Variants in EPHB1 observed in about 807,000 individuals in gnomAD.
EPHB1 encodes the protein ephrin type-B receptor 1.
In EPHB1, 30 loss-of-function variants were observed where a neutral mutation model predicts 94.4. The observed-to-expected ratio is 0.32, with a 90% CI of 0.24 to 0.43. The LOEUF (loss-of-function observed/expected upper bound fraction) is 0.43. Ranked by LOEUF, EPHB1 falls within the 20% of genes least tolerant of loss-of-function variation. The pLI is 1.00. For missense variants in EPHB1, 1,055 were observed against 1,308.3 expected (o/e 0.81, Z 2.99); for synonymous variants, 522 against 489.1 (o/e 1.07, Z -0.89).
intron 5 of EPHB1, among the ~76,000 whole-genome samples, chr3:135,146,063 C>T (rs980690533): frequency 3.3e-5 from 5 of 152,126 alleles, no homozygotes; most frequent in African/African-American, 4.8e-5. Context: ...GTGAGCACCT[C>T]GGAAGGTAGA....
chr3:135,146,225 T>A (rs761824866), intron 5 of EPHB1, among the ~76,000 whole-genome samples: 1 of 152,148 alleles, frequency 6.6e-6, no homozygotes, highest in Non-Finnish European at 1.5e-5. Flanking sequence ...GCCGGCAAGG[T>A]CAAGAAAAGA....
At chr3:134,924,734 A>G (rs2038755855) in intron 1 of EPHB1, among the ~76,000 whole-genome samples, 1 of 152,248 alleles carries the variant, frequency 6.6e-6, no homozygotes, top group East Asian at 1.9e-4. Flanking sequence ...GAAATTAGCT[A>G]TTGGTATACA....
At chr3:135,108,043 C>G (rs767901190) in intron 4 of EPHB1, among the ~76,000 whole-genome samples, 5 of 152,116 alleles carry the variant, frequency 3.3e-5, no homozygotes, top group Non-Finnish European at 7.4e-5. Flanking sequence ...ATGTTCAGAC[C>G]AAAGACTAGT....
chr3:135,046,001 A>G (rs1936986660), intron 3 of EPHB1, among the ~76,000 whole-genome samples: 1 of 152,220 alleles, frequency 6.6e-6, no homozygotes, highest in Admixed American at 6.5e-5. Flanking sequence ...TTCTTCATGT[A>G]ATTTAACGAA....
intron 1 of EPHB1, among the ~76,000 whole-genome samples, chr3:134,911,003 C>T (rs2038441136): frequency 6.6e-6 from 1 of 152,238 alleles, no homozygotes; most frequent in African/African-American, 2.4e-5. Flanking sequence ...TGATTGAGAC[C>T]TGCTCTGAAT....
chr3:134,923,460 C>T lies in EPHB1; in HGVS notation c.59-2356C>T, dbSNP rs1295429563. ...AGGTCACCACTGGGTGCTCCCAGGTCCCCCTCATTAGACCCACTCAGGCCC... is the reference window on the plus strand; with the variant it reads ...AGGTCACCACTGGGTGCTCCCAGGTTCCCCTCATTAGACCCACTCAGGCCC... On this transcript the variant is annotated intron_variant, in intron 1 of 15. Transcript: ENST00000398015. 2.0e-5 allele frequency among the ~76,000 whole-genome samples: 3 copies of T among 152,156 alleles called. No individual in the cohort carries two copies. In the East Asian group the frequency reaches 5.8e-4, roughly 29 times the overall value.
At chr3:135,247,845 C>G (rs924533530) in intron 13 of EPHB1, among the ~76,000 whole-genome samples, 4 of 152,156 alleles carry the variant, frequency 2.6e-5, no homozygotes, top group African/African-American at 9.7e-5. Flanking sequence ...TCCTCCCTTT[C>G]TCTTCTCTTC....
chr3:134,869,135 A>T (rs1397105960), intron 1 of EPHB1, among the ~76,000 whole-genome samples: 1 of 152,174 alleles, frequency 6.6e-6, no homozygotes, highest in Non-Finnish European at 1.5e-5. Flanking sequence ...GATGATTTTG[A>T]TGTGGAGGAA....
At chr3:135,012,757 C>T (rs1240155816) in intron 3 of EPHB1, among the ~76,000 whole-genome samples, 3 of 152,128 alleles carry the variant, frequency 2.0e-5, no homozygotes, top group South Asian at 2.1e-4. Context: ...TGTGAGGATC[C>T]CCCAAGCCAA....
At chr3:134,898,151 G>C (rs1374321477) in intron 1 of EPHB1, among the ~76,000 whole-genome samples, 1 of 152,116 alleles carries the variant, frequency 6.6e-6, no homozygotes, top group East Asian at 1.9e-4. Context: ...GCAGTTGGGG[G>C]GTGACTGCAC....
At chr3:135,075,621 A>G (rs1281382641) in intron 3 of EPHB1, among the ~76,000 whole-genome samples, 1 of 152,122 alleles carries the variant, frequency 6.6e-6, no homozygotes, top group Non-Finnish European at 1.5e-5. Flanking sequence ...TTGGCTGATG[A>G]TAGGGTGTGG....
chr3:134,921,882 A>T (rs2038694162), intron 1 of EPHB1, among the ~76,000 whole-genome samples: 2 of 152,172 alleles, frequency 1.3e-5, no homozygotes, highest in Non-Finnish European at 2.9e-5. Context: ...ATGGAGAGAG[A>T]CAGAGGGAGG....
At chr3:135,064,361 C>T (rs1937554008) in intron 3 of EPHB1, among the ~76,000 whole-genome samples, 1 of 151,916 alleles carries the variant, frequency 6.6e-6, no homozygotes, top group Non-Finnish European at 1.5e-5. Context: ...TTTAAATTAC[C>T]ATTTCAATAT....
chr3:135,057,036 C>G (rs1017701471), intron 3 of EPHB1, among the ~76,000 whole-genome samples: 26 of 152,282 alleles, frequency 1.7e-4, no homozygotes, highest in African/African-American at 6.0e-4. Context: ...TGAACACCCC[C>G]CTAATAAATT....
chr3:135,149,533 T>C (rs1941125814), intron 5 of EPHB1, among the ~76,000 whole-genome samples: 1 of 152,208 alleles, frequency 6.6e-6, no homozygotes, highest in Admixed American at 6.5e-5. Flanking sequence ...TTCTGTTTTG[T>C]CCGAAAGTTT....
rs751281550 is a variant in EPHB1 at position 135,068,610 on chromosome 3, G to A, written c.806-37838G>A. ...ACCATTTTATGAGTTGTATTTTCAC[G>A]TTATTGATAGTGGTTTTTGAGGCAC... is the stretch of plus-strand genomic sequence containing the variant. On this transcript the variant is annotated intron_variant, in intron 3 of 15. Coordinates refer to ENST00000398015, the MANE Select transcript of EPHB1 (RefSeq NM_004441.5). Among the ~76,000 whole-genome samples, 7 of 149,936 alleles carry A rather than the reference G, an allele frequency of 4.7e-5. No individual in the cohort carries two copies. The South Asian group carries it at 8.5e-4, about 18-fold the overall frequency.
chr3:135,076,264 T>C (rs9875343), intron 3 of EPHB1, among the ~76,000 whole-genome samples: 143,548 of 144,018 alleles, frequency 1, 71,540 homozygotes, highest in Middle Eastern at 1. Context: ...TATATATAAC[T>C]CTTAAATGCA....
chr3:134,798,624 C>T (rs13071550), intron 1 of EPHB1, among the ~76,000 whole-genome samples: 20,912 of 152,134 alleles, frequency 0.14, 2,233 homozygotes, highest in African/African-American at 0.3. Context: ...ATCCTCCTGC[C>T]TTCTGGACAC....
chr3:135,046,783 G>A (rs1937011943), intron 3 of EPHB1, among the ~76,000 whole-genome samples: 1 of 152,008 alleles, frequency 6.6e-6, no homozygotes, highest in Non-Finnish European at 1.5e-5. Context: ...CTCTAACATG[G>A]GAAATATAAC....
Sources: gnomAD v4.1 joint callset for allele counts (sites outside exome capture counted in the v4.1 genomes callset) on GRCh38, gnomAD v4.1.1 for gene constraint, MANE v1.5 for transcripts, NCBI Gene and HGNC (gene_info 2026-07-23, HGNC 2026-07-21) for gene names.